The following DNAH11 variants were observed in gnomAD, a reference collection of about 807,000 sequenced individuals.
DNAH11 encodes dynein axonemal heavy chain 11, also known as axonemal beta dynein heavy chain 11.
In DNAH11, 442 loss-of-function variants were observed where a neutral mutation model predicts 526.0. That is an observed-to-expected ratio of 0.84 (90% confidence interval 0.78 to 0.91). DNAH11 has a LOEUF of 0.91. Among genes scored for constraint, DNAH11 ranks in the 40% least tolerant of loss-of-function variants. The probability of loss-of-function intolerance (pLI) is 0.00; values close to 1 mark genes in which losing one functional copy is unlikely to be tolerated. For synonymous variants in DNAH11, 2,461 were observed against 1,935.9 expected (o/e 1.27, Z -7.12); for missense variants, 6,989 against 5,448.7 (o/e 1.28, Z -8.90).
intron 65 of DNAH11, among the ~76,000 whole-genome samples, chr7:21,823,471 C>G (rs927196171): frequency 2.6e-5 from 4 of 152,102 alleles, no homozygotes; most frequent in African/African-American, 9.7e-5. Flanking sequence ...TAGGATTTAA[C>G]TGCTATTTAG....
rs537127251 is a variant in DNAH11 at position 21,873,351 on chromosome 7, T to C, written c.12045T>C (p.Asp4015=). Residue 4015 remains aspartate (D), a synonymous_variant, in exon 74 of 82, where the codon GAT becomes GAC. Transcript: ENST00000409508. The part of the protein sequence containing the change: ...LERFSQGSHR[D]YRVFMSAESA... Reference sequence around the variant, plus strand: ...GATTCAGCCAAGGAAGCCACAGAGATTACAGGGTTTTCATGAGTGCTGAGT... The same window carrying C: ...GATTCAGCCAAGGAAGCCACAGAGACTACAGGGTTTTCATGAGTGCTGAGT... 915 of 1,613,550 alleles carry C rather than the reference T, an allele frequency of 5.7e-4. 14 individuals are homozygous for C. In the South Asian group the frequency reaches 9.4e-3, roughly 17 times the overall value.
intron 51 of DNAH11, among the ~76,000 whole-genome samples, chr7:21,745,460 G>C (rs1786103537): frequency 6.6e-6 from 1 of 152,196 alleles, no homozygotes; most frequent in Non-Finnish European, 1.5e-5. Flanking sequence ...GAGGGCTCAT[G>C]CTTTCTTGGC....
chr7:21,726,593 G>C (rs1381868737), intron 45 of DNAH11, among the ~76,000 whole-genome samples: 1 of 151,818 alleles, frequency 6.6e-6, no homozygotes, highest in African/African-American at 2.4e-5. Context: ...CAGGCGCGGT[G>C]GTTCATACCT....
At chr7:21,619,291 A>T (rs1044550010) in intron 24 of DNAH11, 69 bp downstream of exon 24, 1 of 1,544,098 alleles carries the variant, frequency 6.5e-7, no homozygotes, top group East Asian at 2.3e-5. Context: ...GCCAACTTAG[A>T]GAAAAGTCCT....
At position 21,850,487 on chromosome 7, in the gene DNAH11, G is replaced by T. The variant is rs376387912; in HGVS notation, c.10897-1980G>T. 1.0e-3 allele frequency among the ~76,000 whole-genome samples: 159 copies of T among 151,734 alleles called. 2 individuals are homozygous for T. The highest frequency in any genetic ancestry group is 4.2e-3 in the South Asian group (20 of 4,798). ...TACATTGCCCATGTGGTCTTGCATG[G>T]TGTTCACTTTTCCATTAAACCCGTT... On this transcript the variant is annotated intron_variant, in intron 66 of 81. Transcript: ENST00000409508.
chr7:21,748,038 T>C (rs764338242), intron 51 of DNAH11, among the ~76,000 whole-genome samples: 9 of 152,226 alleles, frequency 5.9e-5, no homozygotes, highest in Non-Finnish European at 1.2e-4. Context: ...CAAAGTGTTA[T>C]TAGCAGAGGA....
At chr7:21,843,254 C>G (rs1349792890) in intron 66 of DNAH11, among the ~76,000 whole-genome samples, 1 of 151,542 alleles carries the variant, frequency 6.6e-6, no homozygotes, top group African/African-American at 2.4e-5. Context: ...AGAAGAAAGG[C>G]AATAATAAAG....
At chr7:21,826,168 G>T (rs1361665099) in intron 65 of DNAH11, among the ~76,000 whole-genome samples, 1 of 152,094 alleles carries the variant, frequency 6.6e-6, no homozygotes, top group African/African-American at 2.4e-5. Flanking sequence ...ATCTATAAAA[G>T]TCATTTTCTT....
intron 34 of DNAH11, among the ~76,000 whole-genome samples, chr7:21,690,110 T>A (rs2196879): frequency 6.6e-6 from 1 of 152,122 alleles, no homozygotes; most frequent in Non-Finnish European, 1.5e-5. Flanking sequence ...CCCATTTATA[T>A]TTATAATCCC....
At position 21,852,601 on chromosome 7, in the gene DNAH11, A is replaced by C. The variant is rs1782685579; in HGVS notation, c.11031A>C (p.Thr3677=). ...AACTGGTAGAGAGATTGGAGGCAAC[A>C]AAGACCACCGTGGCAGAGATAGAGC... ...DTKLVERLEA[T]KTTVAEIEHK... is the part of the protein sequence containing the mutation. The change falls in exon 67 of 82, where the codon ACA becomes ACC. Residue 3677 remains threonine (T), a synonymous_variant. Transcript: ENST00000409508. 6.2e-7 allele frequency: 1 copy of C among 1,604,620 alleles called. No individual in the cohort carries two copies. Among genetic ancestry groups the C allele is most frequent in the Non-Finnish European group, 8.5e-7 (1 of 1,176,778 alleles).
chr7:21,898,069 CCTTA>C (rs1253421884), intron 79 of DNAH11, among the ~76,000 whole-genome samples: 1 of 152,140 alleles, frequency 6.6e-6, no homozygotes, highest in Non-Finnish European at 1.5e-5. Flanking sequence ...AACTTAATTT[CCTTA>C]CTATTTCCTA....
At chr7:21,659,182 T>G (rs1041950720) in intron 30 of DNAH11, among the ~76,000 whole-genome samples, 151 bp downstream of exon 30, 3 of 151,374 alleles carry the variant, frequency 2.0e-5, no homozygotes, top group Non-Finnish European at 4.4e-5. Context: ...TAAATCATTT[T>G]TTACCTTTGT....
At chr7:21,611,580 A>G (rs775674087) in intron 20 of DNAH11, among the ~76,000 whole-genome samples, 3 of 152,128 alleles carry the variant, frequency 2.0e-5, no homozygotes, top group African/African-American at 4.8e-5. Context: ...CCAAATCCCA[A>G]CCAGGATAAA....
intron 2 of DNAH11, 84 bp from the exon 3 acceptor site, chr7:21,558,718 T>G (rs1783319689): frequency 1.9e-6 from 2 of 1,056,990 alleles, no homozygotes; most frequent in South Asian, 3.3e-5. Flanking sequence ...TTGGACAGTT[T>G]TGTTGCCAAT....
chr7:21,855,720 T>G (rs74479548), intron 68 of DNAH11, among the ~76,000 whole-genome samples: 8,198 of 152,274 alleles, frequency 0.054, 260 homozygotes, highest in Middle Eastern at 0.13. Flanking sequence ...TCATCCGTTT[T>G]TAGACAAATG....
chr7:21,789,813 T>TTTCTTTCTTTCTTCTTTCTTTC (rs1788377785), intron 61 of DNAH11, among the ~76,000 whole-genome samples: 9 of 85,626 alleles, frequency 1.1e-4, no homozygotes, highest in African/African-American at 4.2e-4. Context: ...TTCTTTTTTC[T>TTTCTTTCTTTCTTCTTTCTTTC]TTCTTTCTTT....
intron 35 of DNAH11, among the ~76,000 whole-genome samples, chr7:21,691,484 C>A (rs368964566): frequency 6.6e-6 from 1 of 152,164 alleles, no homozygotes; most frequent in East Asian, 1.9e-4. Flanking sequence ...CAGGGCCTAG[C>A]CCACTCTAGC....
chr7:21,872,123 C>CAA lies in DNAH11; in HGVS notation c.11968-1126_11968-1125dup, dbSNP rs776718319. On this transcript the variant is annotated intron_variant, in intron 73 of 81. Coordinates refer to ENST00000409508, the MANE Select transcript of DNAH11 (RefSeq NM_001277115.2). ...TGGGTGACAGAGCGAGACTCTGTCT[C>CAA]AAAAAAAAAAAAAAAAAAAAAAAAA... Among the ~76,000 whole-genome samples, 62 of 30,816 alleles carry CAA rather than the reference C, an allele frequency of 2.0e-3. 8 individuals carry two copies. The highest frequency in any genetic ancestry group is 5.0e-3 in the African/African-American group (40 of 7,948). The allele number at this position is 30,816 out of a possible 152,430, so 20.2% of individuals were successfully genotyped here. A position where few individuals can be genotyped will look rare whatever the true frequency, so the allele number is the denominator to read the frequency against.
intron 61 of DNAH11, among the ~76,000 whole-genome samples, chr7:21,794,802 A>C (rs1227178784): frequency 6.6e-6 from 1 of 152,158 alleles, no homozygotes; most frequent in African/African-American, 2.4e-5. Flanking sequence ...GGTAAAAAGC[A>C]GTTTTCTTGC....
Sources: allele counts gnomAD v4.1 joint callset (sites outside exome capture counted in the v4.1 genomes callset), GRCh38; gene constraint gnomAD v4.1.1; transcripts MANE v1.5; gene names NCBI Gene and HGNC (gene_info 2026-07-23, HGNC 2026-07-21).